PARP8: variants seen among roughly 807,000 people sequenced by gnomAD.
PARP8 encodes the protein protein mono-ADP-ribosyltransferase PARP8.
Under a neutral mutation model 124.1 loss-of-function variants are expected in PARP8, and 51 were observed. The observed-to-expected ratio is 0.41, with a 90% CI of 0.33 to 0.52. The LOEUF (loss-of-function observed/expected upper bound fraction) is 0.52. PARP8 is among the 20% of genes least tolerant of loss of function. The pLI is 0.21. For missense variants in PARP8, 860 were observed against 1,018.9 expected, an observed-to-expected ratio of 0.84 and a Z score of 2.12; for synonymous variants, 391 against 361.5, an observed-to-expected ratio of 1.08 and a Z score of -0.93.
At position 50,795,351 on chromosome 5, in the gene PARP8, G is replaced by C. The variant is rs1345852706; in HGVS notation, c.1362G>C (p.Arg454Ser). The C allele has an allele frequency of 6.2e-7, 1 of 1,614,026 alleles. No individual in the cohort carries two copies. Among genetic ancestry groups the C allele is most frequent in the Admixed American group, 1.7e-5 (1 of 59,998 alleles). The change falls in exon 12 of 26, where the codon AGG (arginine) becomes AGC (serine). Residue 454 changes from arginine to serine, a missense_variant. This residue lies in a region of PARP8 where 517 missense variants were observed against 544.2 expected (regional missense o/e 0.95). Transcript: ENST00000281631. ...LFKEPNAEGR[R>S]LSLTSGLIGI... is the part of the protein sequence containing the mutation. ...AGGAACCTAACGCAGAGGGCAGGAG[G>C]CTCTCTCTTACCTCAGGGCTTATTG...
In PARP8 at chr5:50,843,489, A is replaced by T. The variant is rs774956252; in HGVS notation, c.*1421A>T. 1.6e-4 allele frequency: 25 copies of T among 151,942 alleles called. No individual in the cohort carries two copies. Among genetic ancestry groups the T allele is most frequent in the Admixed American group, 1.1e-3 (17 of 15,206 alleles). 9.4% of individuals were successfully genotyped at this position (151,942 alleles called of 1,614,324 possible). On this transcript the variant is annotated 3_prime_UTR_variant, in exon 26 of 26. Coordinates refer to ENST00000281631, the MANE Select transcript of PARP8 (RefSeq NM_024615.4). ...GGTCATACATGTTGTTAAGGGTAGC[A>T]GTTTAGGAAGTGTTTTCTAATAATT...
At chr5:50,762,314 T>C (rs1439918295) in intron 6 of PARP8, among the ~76,000 whole-genome samples, 2 of 152,146 alleles carry the variant, frequency 1.3e-5, no homozygotes, top group African/African-American at 4.8e-5. Context: ...AGCATCTTCA[T>C]CATTTGTTTA....
chr5:50,835,357 A>G (rs1747454539), intron 25 of PARP8, among the ~76,000 whole-genome samples: 5 of 152,192 alleles, frequency 3.3e-5, no homozygotes, highest in Admixed American at 3.3e-4. Context: ...AGCCTGGCTA[A>G]CATGGTGAAA....
At chr5:50,828,205 T>G in intron 20 of PARP8, 107 bp from the exon 21 acceptor site, 1 of 1,230,804 alleles carries the variant, frequency 8.1e-7, no homozygotes, top group Non-Finnish European at 1.2e-6. Context: ...AATACTTGAT[T>G]TGGCAATCCA....
intron 14 of PARP8, among the ~76,000 whole-genome samples, chr5:50,800,137 A>G (rs1020526451): frequency 7.2e-5 from 11 of 152,172 alleles, no homozygotes; most frequent in African/African-American, 2.7e-4. Context: ...AGTTTTCAGC[A>G]TTCAAGTCTT....
At chr5:50,800,415 T>C (rs1246659948) in intron 14 of PARP8, among the ~76,000 whole-genome samples, 1 of 152,198 alleles carries the variant, frequency 6.6e-6, no homozygotes, top group Non-Finnish European at 1.5e-5. Flanking sequence ...ATGCCTTTTA[T>C]TACTTTTCCT....
At position 50,747,761 on chromosome 5, in the gene PARP8, C is replaced by CTTTTTTTTTT. The variant is rs70972943; in HGVS notation, c.147-2370_147-2361dup. Among the ~76,000 whole-genome samples, 5 of 52,898 alleles carry CTTTTTTTTTT rather than the reference C, an allele frequency of 9.5e-5. 2 individuals carry two copies. Among genetic ancestry groups the CTTTTTTTTTT allele is most frequent in the Non-Finnish European group, 1.8e-4 (4 of 22,494 alleles). The allele number at this position is 52,898 out of a possible 152,430, so 34.7% of individuals were successfully genotyped here. ...TCTCTCAAAGATAGGATAGACCTTG[C>CTTTTTTTTTT]TTTTTTTTTTTTTTTTTTTTTTTTT... On this transcript the variant is annotated intron_variant, in intron 2 of 25. Coordinates refer to ENST00000281631, the MANE Select transcript of PARP8 (RefSeq NM_024615.4).
intron 3 of PARP8, among the ~76,000 whole-genome samples, chr5:50,752,284 A>G (rs896539722): frequency 1.6e-4 from 24 of 152,106 alleles, no homozygotes; most frequent in African/African-American, 5.1e-4. Context: ...CTTTAGCATT[A>G]AAGACCTTAA....
chr5:50,804,889 G>A (rs1019477337), intron 14 of PARP8, among the ~76,000 whole-genome samples: 2 of 151,810 alleles, frequency 1.3e-5, no homozygotes, highest in African/African-American at 4.8e-5. Flanking sequence ...GTGCGTTTAC[G>A]TAGAGTTAAA....
Position 50,668,331 on chromosome 5 carries a change from A to G in PARP8, c.146+206A>G, listed in dbSNP as rs1056527789. On this transcript the variant is annotated intron_variant, in intron 2 of 25. Transcript: ENST00000281631. ...GTTTGATTCAGGTGTTTCGAGGACC[A>G]CGCCACAGGCAATGAGCAGAACTCT... is the stretch of plus-strand genomic sequence containing the variant. 5.1e-6 allele frequency: 3 copies of G among 591,320 alleles called. No homozygotes were observed. In the African/African-American group the frequency reaches 5.6e-5, roughly 11 times the overall value. 36.6% of individuals were successfully genotyped at this position (591,320 alleles called of 1,614,324 possible).
chr5:50,740,048 C>T (rs1757889863), intron 2 of PARP8, among the ~76,000 whole-genome samples: 1 of 152,110 alleles, frequency 6.6e-6, no homozygotes, highest in East Asian at 1.9e-4. Context: ...TGCGCCCGGC[C>T]TGGGTTTATA....
chr5:50,715,868 A>G (rs1755255856), intron 2 of PARP8, among the ~76,000 whole-genome samples: 1 of 152,034 alleles, frequency 6.6e-6, no homozygotes. Flanking sequence ...TTTTAAAAAA[A>G]TACTACCTTC....
At chr5:50,668,034 C>T in intron 1 of PARP8, 37 bp from the exon 2 acceptor site, 1 of 1,611,906 alleles carries the variant, frequency 6.2e-7, no homozygotes, top group Non-Finnish European at 8.5e-7. Context: ...AACAAATCCA[C>T]TCCAGGGGTA....
At chr5:50,838,146 G>T (rs1031076396) in intron 25 of PARP8, among the ~76,000 whole-genome samples, 7 of 151,964 alleles carry the variant, frequency 4.6e-5, no homozygotes, top group African/African-American at 1.4e-4. Context: ...ATACAAATAG[G>T]AACCCATTAT....
At chr5:50,682,942 G>A (rs565978348) in intron 2 of PARP8, among the ~76,000 whole-genome samples, 295 of 4,902 alleles carry the variant, frequency 0.06, 1 homozygote, top group Middle Eastern at 0.17. Flanking sequence ...AGTACATTTG[G>A]GGAGGGCAGG....
At chr5:50,782,368 A>G (rs1353153376) in intron 9 of PARP8, among the ~76,000 whole-genome samples, 2 of 152,132 alleles carry the variant, frequency 1.3e-5, no homozygotes, top group African/African-American at 4.8e-5. Flanking sequence ...CACTCACATT[A>G]CCATCTTACT....
intron 2 of PARP8, among the ~76,000 whole-genome samples, chr5:50,695,242 G>A (rs1752903017): frequency 6.6e-6 from 1 of 152,206 alleles, no homozygotes; most frequent in African/African-American, 2.4e-5. Context: ...TGAGAATATT[G>A]CATTGTAGCA....
At chr5:50,815,607 C>A in intron 15 of PARP8, 83 bp downstream of exon 15, 2 of 946,916 alleles carry the variant, frequency 2.1e-6, no homozygotes, top group South Asian at 2.3e-5. Flanking sequence ...TTCTGCTATT[C>A]TTTGGGGAAA....
At chr5:50,838,934 T>C (rs1747879076) in intron 25 of PARP8, among the ~76,000 whole-genome samples, 2 of 151,916 alleles carry the variant, frequency 1.3e-5, no homozygotes, top group Admixed American at 1.3e-4. Context: ...TCTGAAATGA[T>C]TCTGTCTTTT....
Sources: gnomAD v4.1 joint callset for allele counts (sites outside exome capture counted in the v4.1 genomes callset) on GRCh38, gnomAD v4.1.1 for gene constraint, gnomAD v4.1.1 regional missense constraint, MANE v1.5 for transcripts, NCBI Gene and HGNC (gene_info 2026-07-23, HGNC 2026-07-21) for gene names.